The following RIMS2 variants were observed in gnomAD, a reference collection of about 807,000 sequenced individuals.
RIMS2 encodes regulating synaptic membrane exocytosis protein 2.
Under a neutral mutation model 174.4 loss-of-function variants are expected in RIMS2, and 59 were observed. The observed-to-expected ratio is 0.34, with a 90% CI of 0.27 to 0.42. The LOEUF (loss-of-function observed/expected upper bound fraction) is 0.42, where lower values mean the gene tolerates loss of function less well. RIMS2 is among the 10% of genes least tolerant of loss of function. The pLI is 1.00. For synonymous variants in RIMS2, 606 were observed against 572.5 expected, an observed-to-expected ratio of 1.06 and a Z score of -0.84; for missense variants, 1,620 against 1,666.3, an observed-to-expected ratio of 0.97 and a Z score of 0.48.
chr8:103,636,655 C>T (rs999365624), intron 1 of RIMS2, among the ~76,000 whole-genome samples: 2 of 152,070 alleles, frequency 1.3e-5, no homozygotes, highest in Admixed American at 1.3e-4. Flanking sequence ...GTGCAAGTAC[C>T]TGGATGTTAT....
chr8:104,073,467 T>C (rs2097230926), intron 19 of RIMS2, among the ~76,000 whole-genome samples: 1 of 152,210 alleles, frequency 6.6e-6, no homozygotes, highest in Non-Finnish European at 1.5e-5. Flanking sequence ...AACCATGCTC[T>C]TTTTTAAGGA....
At chr8:104,190,032 G>A (rs2098989682) in intron 19 of RIMS2, among the ~76,000 whole-genome samples, 2 of 151,990 alleles carry the variant, frequency 1.3e-5, no homozygotes, top group Non-Finnish European at 2.9e-5. Context: ...ATTACAGCAT[G>A]GTGGCTCATG....
At chr8:104,178,781 A>G (rs2098921763) in intron 19 of RIMS2, among the ~76,000 whole-genome samples, 1 of 152,170 alleles carries the variant, frequency 6.6e-6, no homozygotes, top group African/African-American at 2.4e-5. Flanking sequence ...GCTTCAGGGA[A>G]TTAAGAAAAA....
intron 1 of RIMS2, among the ~76,000 whole-genome samples, chr8:103,563,879 T>C (rs1323796058): frequency 1.2e-4 from 19 of 152,176 alleles, no homozygotes; most frequent in Non-Finnish European, 8.8e-5. Context: ...AGAGAGCATG[T>C]ACAGGGGAAA....
intron 5 of RIMS2, among the ~76,000 whole-genome samples, chr8:103,910,966 GA>G (rs1218089403): frequency 6.6e-6 from 1 of 152,164 alleles, no homozygotes; most frequent in Non-Finnish European, 1.5e-5. Flanking sequence ...TGTTTGCACA[GA>G]AAAAGTTGTT....
At chr8:103,911,368 A>C (rs1395759083) in intron 5 of RIMS2, among the ~76,000 whole-genome samples, 1 of 152,164 alleles carries the variant, frequency 6.6e-6, no homozygotes, top group East Asian at 1.9e-4. Flanking sequence ...TTATCTAGTA[A>C]AGGTAATTTA....
chr8:104,028,031 A>G (rs932872166), intron 19 of RIMS2, among the ~76,000 whole-genome samples: 2 of 152,068 alleles, frequency 1.3e-5, no homozygotes, highest in African/African-American at 4.8e-5. Flanking sequence ...CCTGGGCTCA[A>G]CTGATTCTCA....
intron 1 of RIMS2, among the ~76,000 whole-genome samples, chr8:103,622,024 T>A (rs2095646952): frequency 6.6e-6 from 1 of 152,156 alleles, no homozygotes; most frequent in South Asian, 2.1e-4. Context: ...TGATTTGCCA[T>A]AGTATCATTT....
intron 1 of RIMS2, among the ~76,000 whole-genome samples, chr8:103,503,241 T>C (rs1382594844): frequency 1.3e-5 from 2 of 152,050 alleles, no homozygotes; most frequent in South Asian, 4.1e-4. Flanking sequence ...TAACAAAAAG[T>C]TATTTGGAGG....
intron 19 of RIMS2, among the ~76,000 whole-genome samples, chr8:104,098,048 T>C (rs1220199000): frequency 1.3e-5 from 2 of 152,202 alleles, no homozygotes; most frequent in African/African-American, 2.4e-5. Context: ...TCTAATTGTA[T>C]GATACAGATC....
intron 14 of RIMS2, among the ~76,000 whole-genome samples, chr8:103,959,510 C>T (rs1324820626): frequency 6.6e-6 from 1 of 152,018 alleles, no homozygotes; most frequent in African/African-American, 2.4e-5. Flanking sequence ...GCAACCTCCG[C>T]CTCCTGCCTC....
Position 103,814,432 on chromosome 8 carries a change from A to G in RIMS2, c.698+47895A>G, listed in dbSNP as rs535098394. Among the ~76,000 whole-genome samples the G allele has an allele frequency of 1.9e-3, 295 of 152,224 alleles. 2 individuals carry two copies. Among genetic ancestry groups the G allele is most frequent in the African/African-American group, 6.9e-3 (286 of 41,568 alleles). ...TAAAAGTTAAAAAAACTAAAAAAAA[A>G]AAACTTAAAAAGAAAGAATTTACAC... is the stretch of plus-strand genomic sequence containing the variant. On this transcript the variant is annotated intron_variant, in intron 3 of 23. Transcript: ENST00000504942.
intron 15 of RIMS2, among the ~76,000 whole-genome samples, chr8:103,961,360 A>C (rs1045853897): frequency 6.6e-6 from 1 of 152,150 alleles, no homozygotes; most frequent in African/African-American, 2.4e-5. Context: ...GTAGATGTCA[A>C]TAAATTTTCT....
intron 17 of RIMS2, among the ~76,000 whole-genome samples, chr8:103,993,817 A>G (rs939208201): frequency 1.3e-5 from 2 of 152,094 alleles, no homozygotes; most frequent in East Asian, 3.9e-4. Context: ...ACTTGAGCCC[A>G]GGAGTTCTCA....
intron 19 of RIMS2, among the ~76,000 whole-genome samples, chr8:104,234,115 T>C (rs1432201340): frequency 6.6e-6 from 1 of 152,168 alleles, no homozygotes; most frequent in Non-Finnish European, 1.5e-5. Context: ...CACTATTTAT[T>C]AAACACCACT....
intron 19 of RIMS2, among the ~76,000 whole-genome samples, chr8:104,027,265 T>G (rs2096276194): frequency 6.6e-6 from 1 of 152,152 alleles, no homozygotes; most frequent in African/African-American, 2.4e-5. Flanking sequence ...TCCATAAACT[T>G]AAGTGTACCT....
chr8:103,520,033 A>G (rs367603678), intron 1 of RIMS2, among the ~76,000 whole-genome samples: 21 of 152,224 alleles, frequency 1.4e-4, no homozygotes, highest in Admixed American at 5.2e-4. Flanking sequence ...TACAGTGTAT[A>G]TAAGGAAGGG....
intron 2 of RIMS2, among the ~76,000 whole-genome samples, chr8:103,762,035 T>TG (rs1249290038): frequency 6.7e-6 from 1 of 150,188 alleles, no homozygotes; most frequent in Non-Finnish European, 1.5e-5. Context: ...TTTTTTTTTT[T>TG]GCTTTCTTTT....
chr8:103,581,573 G>A (rs552736133), intron 1 of RIMS2, among the ~76,000 whole-genome samples: 3 of 152,282 alleles, frequency 2.0e-5, no homozygotes, highest in African/African-American at 7.2e-5. Context: ...ACAAGACAAG[G>A]ATGCCTGCTT....
Sources: allele counts gnomAD v4.1 joint callset (sites outside exome capture counted in the v4.1 genomes callset), GRCh38; gene constraint gnomAD v4.1.1; transcripts MANE v1.5; gene names NCBI Gene and HGNC (gene_info 2026-07-23, HGNC 2026-07-21).